The following FSD1L variants were observed in gnomAD, a reference collection of about 807,000 sequenced individuals.
FSD1L encodes the protein FSD1-like protein.
Under a neutral mutation model 71.6 loss-of-function variants are expected in FSD1L, and 45 were observed. The ratio of observed to expected loss-of-function variants is 0.63; its 90% confidence interval spans 0.49 to 0.81. FSD1L has a LOEUF of 0.81. Among genes scored for constraint, FSD1L ranks in the 30% least tolerant of loss-of-function variants. FSD1L has a pLI of 0.00. For missense variants in FSD1L, 561 were observed against 618.1 expected (o/e 0.91, Z 0.98); for synonymous variants, 197 against 207.2 (o/e 0.95, Z 0.42).
In FSD1L at chr9:105,467,384, A is replaced by G. The variant is rs150446991; in HGVS notation, c.208-809A>G. Among the ~76,000 whole-genome samples, 1,268 of 152,238 alleles carry G rather than the reference A, an allele frequency of 8.3e-3. 20 individuals are homozygous for G. Among genetic ancestry groups the G allele is most frequent in the African/African-American group, 0.029 (1,211 of 41,518 alleles). On this transcript the variant is annotated intron_variant, in intron 3 of 13. Coordinates refer to ENST00000481272, the MANE Select transcript of FSD1L (RefSeq NM_001145313.3). ...GTCTTAAGAGAATTTCTTCTATCTC[A>G]TAATTGTTGCAAGTGTGGATATTGC...
intron 10 of FSD1L, chr9:105,526,285 A>G: frequency 1.9e-6 from 3 of 1,606,670 alleles, no homozygotes; most frequent in Non-Finnish European, 8.5e-7. Flanking sequence ...AGAACCAACA[A>G]CATTTGAAGA....
rs1836195095 is a variant in FSD1L at position 105,535,289 on chromosome 9, A to C, written c.1349A>C (p.Lys450Thr). The C allele has an allele frequency of 1.9e-6, 3 of 1,551,488 alleles. No homozygotes were observed. The highest frequency in any genetic ancestry group is 2.6e-6 in the Non-Finnish European group (3 of 1,146,948). ...VKALDVTVPEKIGVFCDFDGG... is the reference protein window; with the variant it reads ...VKALDVTVPETIGVFCDFDGG... ...GCTTTGGATGTTACTGTTCCTGAAA[A>C]AATAGGTGTATTTTGTGATTTTGAT... is the stretch of plus-strand genomic sequence containing the variant. Residue 450 changes from lysine to threonine, a missense_variant, in exon 12 of 14, where the codon AAA becomes ACA. Transcript: ENST00000481272.
chr9:105,469,709 T>C (rs1471338979), intron 4 of FSD1L, among the ~76,000 whole-genome samples: 1 of 151,932 alleles, frequency 6.6e-6, no homozygotes, highest in East Asian at 1.9e-4. Flanking sequence ...CAGGTTTTTT[T>C]TTTTTTTTCC....
chr9:105,508,817 C>A, intron 9 of FSD1L, 102 bp downstream of exon 9: 1 of 641,548 alleles, frequency 1.6e-6, no homozygotes. Flanking sequence ...TGAATTACTT[C>A]TCTACTTCTC....
intron 7 of FSD1L, among the ~76,000 whole-genome samples, chr9:105,503,338 T>C (rs980803966): frequency 6.6e-6 from 1 of 152,212 alleles, no homozygotes; most frequent in Non-Finnish European, 1.5e-5. Context: ...GCCACTATAA[T>C]GTATCCTATA....
intron 4 of FSD1L, among the ~76,000 whole-genome samples, chr9:105,469,792 T>G (rs1008591093): frequency 1.3e-5 from 2 of 152,064 alleles, no homozygotes; most frequent in Non-Finnish European, 2.9e-5. Flanking sequence ...TTTTACGTCA[T>G]CTAATTTGTC....
At chr9:105,496,679 C>A (rs535948628) in intron 7 of FSD1L, among the ~76,000 whole-genome samples, 24 of 152,314 alleles carry the variant, frequency 1.6e-4, no homozygotes, top group African/African-American at 5.3e-4. Context: ...GTTTTAATTT[C>A]AAATTTCACT....
chr9:105,528,166 C>T (rs1281178423), intron 10 of FSD1L, among the ~76,000 whole-genome samples: 1 of 152,168 alleles, frequency 6.6e-6, no homozygotes, highest in Non-Finnish European at 1.5e-5. Flanking sequence ...GAAAAACATT[C>T]CATGCTCATG....
At chr9:105,523,261 CTT>C in intron 10 of FSD1L, 1 of 1,606,154 alleles carries the variant, frequency 6.2e-7, no homozygotes, top group Non-Finnish European at 8.5e-7. Flanking sequence ...TCACAGACTC[CTT>C]CCCCTTCTAC....
intron 10 of FSD1L, chr9:105,525,566 G>C: frequency 6.2e-7 from 1 of 1,612,786 alleles, no homozygotes. Context: ...AGTATATTGG[G>C]AATGAATTCC....
At chr9:105,467,490 T>C (rs903664403) in intron 3 of FSD1L, among the ~76,000 whole-genome samples, 2 of 152,206 alleles carry the variant, frequency 1.3e-5, no homozygotes, top group Admixed American at 6.5e-5. Context: ...CTCAAGAGAC[T>C]TGAAATGCAT....
At chr9:105,448,946 T>G (rs1467724237) in intron 1 of FSD1L, among the ~76,000 whole-genome samples, 2 of 152,200 alleles carry the variant, frequency 1.3e-5, no homozygotes, top group African/African-American at 4.8e-5. Flanking sequence ...TTCAGAAGTA[T>G]TTGGAGAACA....
chr9:105,526,441 T>C, intron 10 of FSD1L: 1 of 1,613,038 alleles, frequency 6.2e-7, no homozygotes, highest in East Asian at 2.2e-5. Flanking sequence ...TAGATGGGGC[T>C]GACCTGGCCT....
chr9:105,501,164 G>A (rs907988384), intron 7 of FSD1L, among the ~76,000 whole-genome samples: 1 of 152,136 alleles, frequency 6.6e-6, no homozygotes, highest in Non-Finnish European at 1.5e-5. Flanking sequence ...CATTCAAGGT[G>A]AGAAGCACTG....
At chr9:105,482,138 A>C (rs1832248253) in intron 6 of FSD1L, among the ~76,000 whole-genome samples, 1 of 152,212 alleles carries the variant, frequency 6.6e-6, no homozygotes, top group South Asian at 2.1e-4. Flanking sequence ...ATATCTGAGC[A>C]AGAAATCAAA....
chr9:105,541,977 G>A (rs751192272), intron 13 of FSD1L, among the ~76,000 whole-genome samples: 7 of 152,146 alleles, frequency 4.6e-5, no homozygotes, highest in Non-Finnish European at 8.8e-5. Context: ...TTGCTGAGTA[G>A]TGTTTCATAT....
rs1837025842 is a variant in FSD1L, at chr9:105,546,664, A to G, written c.*181A>G. 6.8e-6 allele frequency: 3 copies of G among 441,060 alleles called. No individual in the cohort carries two copies. The highest frequency in any genetic ancestry group is 1.1e-5 in the Non-Finnish European group (3 of 262,056). The allele number at this position is 441,060 out of a possible 1,614,324, so 27.3% of individuals were successfully genotyped here. A position where few individuals can be genotyped will look rare whatever the true frequency, so the allele number is the denominator to read the frequency against. On this transcript the variant is annotated 3_prime_UTR_variant, in exon 14 of 14. Transcript: ENST00000481272. The stretch of plus-strand genomic sequence containing the variant: ...TTGCAGGAACCTACTGTGCAGTATC[A>G]TAGAAGCAAGCAGATACCAAGCAAA...
In FSD1L at chr9:105,502,472, C is replaced by A. The variant is rs1003475007; in HGVS notation, c.587-3927C>A. On this transcript the variant is annotated intron_variant, in intron 7 of 13. Transcript: ENST00000481272. ...TTGAGGCTTTAACTGTTTTCTATCCCCTTCTCAGTTTTCTCATGTGAATGA... is the reference window on the plus strand; with the variant it reads ...TTGAGGCTTTAACTGTTTTCTATCCACTTCTCAGTTTTCTCATGTGAATGA... 2.0e-5 allele frequency among the ~76,000 whole-genome samples: 3 copies of A among 151,992 alleles called. No homozygotes were observed. In the East Asian group the frequency reaches 5.8e-4, roughly 29 times the overall value.
chr9:105,538,183 G>A (rs918637408), intron 12 of FSD1L, among the ~76,000 whole-genome samples: 1 of 152,170 alleles, frequency 6.6e-6, no homozygotes, highest in Non-Finnish European at 1.5e-5. Flanking sequence ...AATTGCTATG[G>A]AAGATTGTAC....
Sources: allele counts gnomAD v4.1 joint callset (sites outside exome capture counted in the v4.1 genomes callset), GRCh38; gene constraint gnomAD v4.1.1; transcripts MANE v1.5; gene names NCBI Gene and HGNC (gene_info 2026-07-23, HGNC 2026-07-21).